CFAP299: variants seen among roughly 807,000 people sequenced by gnomAD.
CFAP299 encodes the protein cilia and flagella associated protein 299, also known as cilia- and flagella-associated protein 299.
Under a neutral mutation model 27.0 loss-of-function variants are expected in CFAP299, and 21 were observed. The ratio of observed to expected loss-of-function variants is 0.78; its 90% CI spans 0.55 to 1.12. CFAP299 has a LOEUF of 1.12. Among genes scored for constraint, CFAP299 ranks in the 50% most tolerant of loss-of-function variants. The pLI is 0.00. For synonymous variants in CFAP299, 104 were observed against 98.1 expected (o/e 1.06, Z -0.36); for missense variants, 310 against 276.6 (o/e 1.12, Z -0.86).
At chr4:80,850,292 G>C (rs1185677149) in intron 3 of CFAP299, among the ~76,000 whole-genome samples, 1 of 151,754 alleles carries the variant, frequency 6.6e-6, no homozygotes, top group Non-Finnish European at 1.5e-5. Flanking sequence ...ATACATATTA[G>C]AAATCATCAT....
At chr4:80,496,605 A>G (rs759231787) in intron 2 of CFAP299, among the ~76,000 whole-genome samples, 3 of 151,966 alleles carry the variant, frequency 2.0e-5, no homozygotes, top group Non-Finnish European at 4.4e-5. Context: ...CACTCTTCCA[A>G]CCTCTGCCTG....
intron 3 of CFAP299, among the ~76,000 whole-genome samples, chr4:80,778,489 C>A (rs531077619): frequency 1.4e-4 from 22 of 152,090 alleles, no homozygotes; most frequent in Non-Finnish European, 2.8e-4. Flanking sequence ...CCTTTATTTT[C>A]CAAATTCTAC....
chr4:80,603,126 A>G (rs1212931111), intron 3 of CFAP299, among the ~76,000 whole-genome samples: 1 of 152,204 alleles, frequency 6.6e-6, no homozygotes, highest in East Asian at 1.9e-4. Flanking sequence ...GGATTTGACT[A>G]AAAAAGACTT....
At chr4:80,327,840 T>A in the CFAP299 span, among the ~76,000 whole-genome samples, 1 of 148,998 alleles carries the variant, frequency 6.7e-6, no homozygotes, top group Admixed American at 6.7e-5. Flanking sequence ...GGCCCAGGAT[T>A]AAGCTCTGGA....
At chr4:80,399,983 A>G (rs769510480) in intron 2 of CFAP299, among the ~76,000 whole-genome samples, 4 of 152,230 alleles carry the variant, frequency 2.6e-5, no homozygotes, top group Non-Finnish European at 5.9e-5. Flanking sequence ...AGTAATTAAC[A>G]TTATAGAAAT....
intron 4 of CFAP299, among the ~76,000 whole-genome samples, chr4:80,901,413 T>C (rs1303324165): frequency 1.3e-5 from 2 of 152,108 alleles, no homozygotes; most frequent in African/African-American, 2.4e-5. Flanking sequence ...GCAATGGGTG[T>C]TTTTTGAAAC....
chr4:80,343,619 C>T (rs1049472304), intron 1 of CFAP299, among the ~76,000 whole-genome samples: 3 of 151,734 alleles, frequency 2.0e-5, no homozygotes, highest in Non-Finnish European at 4.4e-5. Context: ...GAAACCCCGT[C>T]TCTACTAAAA....
At chr4:80,795,166 T>C (rs535682504) in intron 3 of CFAP299, among the ~76,000 whole-genome samples, 1 of 152,258 alleles carries the variant, frequency 6.6e-6, no homozygotes, top group African/African-American at 2.4e-5. Flanking sequence ...TACAAATATC[T>C]TCAGTTTTTG....
chr4:80,865,873 A>T (rs924648939), intron 3 of CFAP299, among the ~76,000 whole-genome samples: 77 of 125,558 alleles, frequency 6.1e-4, no homozygotes, highest in African/African-American at 2.2e-3. Flanking sequence ...GAACAATGAA[A>T]ACACTTGGAC....
At chr4:80,390,655 A>G (rs994120033) in intron 2 of CFAP299, among the ~76,000 whole-genome samples, 3 of 139,908 alleles carry the variant, frequency 2.1e-5, no homozygotes, top group Non-Finnish European at 3.0e-5. Context: ...GTATGTACAC[A>G]CATATGTATA....
chr4:80,323,403 C>T, the CFAP299 span, among the ~76,000 whole-genome samples: 6 of 152,128 alleles, frequency 3.9e-5, no homozygotes, highest in African/African-American at 1.4e-4. Context: ...GAAAGTAAGA[C>T]AAACAAATAA....
chr4:80,376,196 A>G (rs996384715), intron 2 of CFAP299, among the ~76,000 whole-genome samples: 13 of 152,070 alleles, frequency 8.5e-5, no homozygotes, highest in African/African-American at 3.1e-4. Context: ...TTTTTTCACT[A>G]ATCATAAAGC....
chr4:80,793,885 T>C (rs72879948), intron 3 of CFAP299, among the ~76,000 whole-genome samples: 8,161 of 152,256 alleles, frequency 0.054, 503 homozygotes, highest in African/African-American at 0.15. Flanking sequence ...TCGTCTACTA[T>C]CCATTCTGTA....
intron 3 of CFAP299, among the ~76,000 whole-genome samples, chr4:80,610,422 C>T (rs1737906358): frequency 6.6e-6 from 1 of 152,032 alleles, no homozygotes; most frequent in Non-Finnish European, 1.5e-5. Flanking sequence ...TTAGTACCTA[C>T]AGAGAAATAG....
intron 3 of CFAP299, among the ~76,000 whole-genome samples, chr4:80,730,860 T>C (rs2110055300): frequency 6.6e-6 from 1 of 152,324 alleles, no homozygotes; most frequent in Non-Finnish European, 1.5e-5. Flanking sequence ...TGCTAAAATA[T>C]TGAACTATTT....
intron 4 of CFAP299, among the ~76,000 whole-genome samples, chr4:80,913,800 A>C (rs1735603197): frequency 1.3e-5 from 2 of 152,214 alleles, no homozygotes; most frequent in Admixed American, 1.3e-4. Flanking sequence ...CACAATTAAG[A>C]TATAGAATGT....
intron 3 of CFAP299, among the ~76,000 whole-genome samples, chr4:80,780,045 A>G (rs938671383): frequency 6.6e-6 from 1 of 151,950 alleles, no homozygotes; most frequent in South Asian, 2.1e-4. Flanking sequence ...TATTTTTTTC[A>G]TATTCCTACT....
chr4:80,700,674 A>T (rs1412123649), intron 3 of CFAP299, among the ~76,000 whole-genome samples: 2 of 152,084 alleles, frequency 1.3e-5, no homozygotes, highest in African/African-American at 4.8e-5. Context: ...ATGAAGTGAG[A>T]CTATGGGGAT....
chr4:80,867,003 G>A (rs1362475136), intron 3 of CFAP299, among the ~76,000 whole-genome samples: 4 of 151,890 alleles, frequency 2.6e-5, no homozygotes, highest in African/African-American at 4.8e-5. Context: ...TCTTTAAATC[G>A]ACATCAATTT....
Sources: gnomAD v4.1 joint callset for allele counts (sites outside exome capture counted in the v4.1 genomes callset) on GRCh38, gnomAD v4.1.1 for gene constraint, MANE v1.5 for transcripts, NCBI Gene and HGNC (gene_info 2026-07-23, HGNC 2026-07-21) for gene names.